Variants in PLCB4 observed in about 807,000 individuals in gnomAD.
The protein encoded by PLCB4 is phospholipase C beta 4.
In PLCB4, 77 loss-of-function variants were observed where a neutral mutation model predicts 178.8. That is an observed-to-expected ratio of 0.43 (90% CI 0.36 to 0.52). The LOEUF is 0.52. PLCB4 is among the 20% of genes least tolerant of loss of function. The probability of loss-of-function intolerance (pLI) is 0.00; values close to 1 mark genes in which losing one functional copy is unlikely to be tolerated. For synonymous variants in PLCB4, 496 were observed against 490.8 expected (o/e 1.01, Z -0.14); for missense variants, 1,024 against 1,453.4 (o/e 0.70, Z 4.80).
chr20:9,131,907 G>A (rs896292976), intron 2 of PLCB4, among the ~76,000 whole-genome samples: 2 of 152,074 alleles, frequency 1.3e-5, no homozygotes, highest in African/African-American at 2.4e-5. Flanking sequence ...ATAAATGTTT[G>A]GACTAGACTA....
chr20:9,139,098 A>G (rs2092438341), intron 2 of PLCB4, among the ~76,000 whole-genome samples: 1 of 152,130 alleles, frequency 6.6e-6, no homozygotes, highest in Non-Finnish European at 1.5e-5. Flanking sequence ...TAGAATGCCA[A>G]CGTCCAGAAT....
At chr20:9,447,401 T>C (rs187746087) in intron 32 of PLCB4, among the ~76,000 whole-genome samples, 4 of 152,312 alleles carry the variant, frequency 2.6e-5, no homozygotes, top group African/African-American at 9.6e-5. Context: ...CCACTTCCTC[T>C]CTGCTTTATG....
intron 3 of PLCB4, among the ~76,000 whole-genome samples, chr20:9,307,494 TACAC>T (rs745918024): frequency 0.046 from 6,396 of 137,934 alleles, 264 homozygotes; most frequent in African/African-American, 0.079. Context: ...AAAAAAAGAA[TACAC>T]ACACACACAC....
At chr20:9,392,029 C>G (rs772002760) in intron 17 of PLCB4, among the ~76,000 whole-genome samples, 7 of 152,128 alleles carry the variant, frequency 4.6e-5, no homozygotes, top group Non-Finnish European at 1.0e-4. Flanking sequence ...TAAGGGAACC[C>G]AAACTAAGAA....
chr20:9,472,340 A>C (rs2044248860), intron 36 of PLCB4, among the ~76,000 whole-genome samples: 1 of 152,352 alleles, frequency 6.6e-6, no homozygotes, highest in East Asian at 1.9e-4. Flanking sequence ...TCATCTCTCC[A>C]GGTGATTGGT....
chr20:9,308,370 T>C lies in PLCB4; in HGVS notation c.84+472T>C, dbSNP rs2094794942. On this transcript the variant is annotated intron_variant, in intron 4 of 39. Transcript: ENST00000378473. Reference sequence around the variant, plus strand: ...CTTTGCATGCCTCTGATTCTATCATTTATTGTCTGTGCCCTTGCAAGGTGG... The same window carrying C: ...CTTTGCATGCCTCTGATTCTATCATCTATTGTCTGTGCCCTTGCAAGGTGG... 2.0e-5 allele frequency among the ~76,000 whole-genome samples: 3 copies of C among 152,212 alleles called. No homozygotes were observed. In the South Asian group the frequency reaches 6.2e-4, roughly 31 times the overall value.
intron 2 of PLCB4, among the ~76,000 whole-genome samples, chr20:9,195,497 G>A (rs1474536204): frequency 6.6e-6 from 1 of 152,218 alleles, no homozygotes; most frequent in Non-Finnish European, 1.5e-5. Flanking sequence ...GTGCAGGTGG[G>A]TATCATCAGC....
chr20:9,392,354 A>G (rs2038217296), intron 17 of PLCB4, among the ~76,000 whole-genome samples: 1 of 152,208 alleles, frequency 6.6e-6, no homozygotes, highest in South Asian at 2.1e-4. Flanking sequence ...GGGTTTAAAT[A>G]CCCTCTAGAG....
chr20:9,093,004 G>A (rs1402049666), intron 1 of PLCB4, among the ~76,000 whole-genome samples: 2 of 152,070 alleles, frequency 1.3e-5, no homozygotes, highest in Non-Finnish European at 2.9e-5. Context: ...CACCATACCT[G>A]GGAATTTTGT....
chr20:9,097,550 G>A (rs776506442), intron 2 of PLCB4, among the ~76,000 whole-genome samples: 2 of 152,022 alleles, frequency 1.3e-5, no homozygotes, highest in Non-Finnish European at 2.9e-5. Flanking sequence ...TTACCTTTTA[G>A]ATCATTTCTG....
At chr20:9,368,819 G>A (rs544185138) in intron 9 of PLCB4, among the ~76,000 whole-genome samples, 1 of 152,272 alleles carries the variant, frequency 6.6e-6, no homozygotes, top group East Asian at 1.9e-4. Context: ...TAATAGGACT[G>A]GACACAACTC....
intron 8 of PLCB4, among the ~76,000 whole-genome samples, chr20:9,363,844 T>G (rs943720542): frequency 6.6e-6 from 1 of 152,176 alleles, no homozygotes; most frequent in Non-Finnish European, 1.5e-5. Context: ...AGAGTGTGAT[T>G]CATCATACTC....
intron 2 of PLCB4, among the ~76,000 whole-genome samples, chr20:9,110,819 A>G (rs1169901568): frequency 3.9e-5 from 6 of 151,920 alleles, no homozygotes; most frequent in African/African-American, 1.5e-4. Flanking sequence ...AAAATACTGT[A>G]TTTTTTTTCA....
At chr20:9,208,500 T>G (rs1350863058) in intron 2 of PLCB4, among the ~76,000 whole-genome samples, 3 of 152,172 alleles carry the variant, frequency 2.0e-5, no homozygotes, top group African/African-American at 7.2e-5. Flanking sequence ...CTAGTGGATA[T>G]ATTAAGCAGG....
intron 4 of PLCB4, among the ~76,000 whole-genome samples, chr20:9,323,788 A>G (rs1449275182): frequency 6.6e-6 from 1 of 152,166 alleles, no homozygotes; most frequent in Non-Finnish European, 1.5e-5. Context: ...GCAAGCTGCT[A>G]CAACCGGGCC....
intron 3 of PLCB4, among the ~76,000 whole-genome samples, chr20:9,239,435 C>T (rs1007231497): frequency 6.6e-6 from 1 of 152,124 alleles, no homozygotes; most frequent in African/African-American, 2.4e-5. Context: ...ATGGCTGACC[C>T]CTATAACAAA....
At chr20:9,457,255 G>C (rs951602254) in intron 33 of PLCB4, among the ~76,000 whole-genome samples, 159 bp from the exon 34 acceptor site, 12 of 152,150 alleles carry the variant, frequency 7.9e-5, no homozygotes, top group Non-Finnish European at 1.5e-4. Context: ...ATTTTGTAAG[G>C]TGTGAATCTA....
At chr20:9,095,757 A>G (rs2090886373) in intron 1 of PLCB4, among the ~76,000 whole-genome samples, 1 of 152,132 alleles carries the variant, frequency 6.6e-6, no homozygotes, top group Non-Finnish European at 1.5e-5. Context: ...TTAGCTAAGA[A>G]AAATAGAGCC....
intron 3 of PLCB4, among the ~76,000 whole-genome samples, chr20:9,249,356 GGTGTGTA>G (rs1474133561): frequency 6.6e-6 from 1 of 152,122 alleles, no homozygotes; most frequent in Non-Finnish European, 1.5e-5. Flanking sequence ...CGCCTAGGCT[GGTGTGTA>G]GTGGCACAAT....
Sources: allele counts gnomAD v4.1 joint callset (sites outside exome capture counted in the v4.1 genomes callset), GRCh38; gene constraint gnomAD v4.1.1; transcripts MANE v1.5; gene names NCBI Gene and HGNC (gene_info 2026-07-23, HGNC 2026-07-21).